The following UTP20 variants were observed in gnomAD, a reference collection of about 807,000 sequenced individuals.
UTP20 encodes the protein small subunit processome component 20 homolog.
A neutral mutation model predicts 329.5 loss-of-function variants in UTP20; 164 were observed. The ratio of observed to expected loss-of-function variants is 0.50; its 90% CI spans 0.44 to 0.57. UTP20 has a LOEUF of 0.57. UTP20 is among the 20% of genes least tolerant of loss of function. The pLI is 0.00. For missense variants in UTP20, 3,055 were observed against 3,284.2 expected (o/e 0.93, Z 1.71); for synonymous variants, 1,151 against 1,159.3 (o/e 0.99, Z 0.14).
chr12:101,369,681 C>A lies in UTP20; in HGVS notation c.6385-40C>A, dbSNP rs370192671. 5.8e-6 allele frequency: 6 copies of A among 1,039,514 alleles called. No individual in the cohort carries two copies. In the African/African-American group the frequency reaches 9.5e-5, roughly 16 times the overall value. 64.4% of individuals were successfully genotyped at this position (1,039,514 alleles called of 1,614,324 possible). The stretch of plus-strand genomic sequence containing the variant: ...CAGGTGCTGCATAGTTGGATTCGGT[C>A]ACATCACAAGTTGGTGGTGTTTTGT... On this transcript the variant is annotated intron_variant, in intron 48 of 61. Coordinates refer to ENST00000261637, the MANE Select transcript of UTP20 (RefSeq NM_014503.3).
In UTP20 at chr12:101,355,118, G is replaced by T; in HGVS notation, c.5394G>T (p.Thr1798=). The part of the protein sequence containing the change: ...LPRLHKCLAS[T]TKREEEHKLV... ...GGCTACATAAATGCCTTGCATCTACGGTAATAAATTTATTCGGGGTCCAGC... is the reference window on the plus strand; with the variant it reads ...GGCTACATAAATGCCTTGCATCTACTGTAATAAATTTATTCGGGGTCCAGC... The change falls in exon 41 of 62, where the codon ACG becomes ACT. Residue 1798 remains threonine, a splice_region_variant and synonymous_variant. Transcript: ENST00000261637. 6.2e-7 allele frequency: 1 copy of T among 1,610,952 alleles called. No individual in the cohort carries two copies. The highest frequency in any genetic ancestry group is 1.1e-5 in the South Asian group (1 of 90,722).
intron 36 of UTP20, 57 bp downstream of exon 36, chr12:101,344,807 C>A: frequency 6.6e-7 from 1 of 1,508,808 alleles, no homozygotes; most frequent in Non-Finnish European, 9.1e-7. Context: ...GTTTTGTTTT[C>A]CCACGTTTGC....
intron 12 of UTP20, among the ~76,000 whole-genome samples, chr12:101,296,453 C>G (rs2137239341): frequency 6.6e-6 from 1 of 152,176 alleles, no homozygotes; most frequent in African/African-American, 2.4e-5. Flanking sequence ...CGCCTGTAGT[C>G]CTAGTTACTC....
At chr12:101,338,365 C>A in intron 30 of UTP20, 88 bp downstream of exon 30, 1 of 1,364,214 alleles carries the variant, frequency 7.3e-7, no homozygotes, top group South Asian at 1.2e-5. Context: ...TATAATTTGA[C>A]TCACTCGAGA....
chr12:101,342,155 T>C (rs1263607370), intron 32 of UTP20, among the ~76,000 whole-genome samples: 1 of 152,102 alleles, frequency 6.6e-6, no homozygotes, highest in Admixed American at 6.5e-5. Context: ...CGACTGTACT[T>C]CAGCAAGCTC....
intron 17 of UTP20, among the ~76,000 whole-genome samples, 188 bp downstream of exon 17, chr12:101,306,949 G>A (rs562145239): frequency 8.7e-4 from 133 of 152,146 alleles, no homozygotes; most frequent in African/African-American, 2.8e-3. Flanking sequence ...CGAGGCGGGC[G>A]GATCACAAGG....
chr12:101,318,668 T>C (rs1464694975), intron 22 of UTP20, among the ~76,000 whole-genome samples: 1 of 151,836 alleles, frequency 6.6e-6, no homozygotes. Context: ...CTGTCTCTAC[T>C]GAAAATATAA....
chr12:101,285,335 C>T (rs1871924787), intron 2 of UTP20, among the ~76,000 whole-genome samples: 1 of 151,780 alleles, frequency 6.6e-6, no homozygotes, highest in African/African-American at 2.4e-5. Flanking sequence ...ATATATAGGC[C>T]CCAGAAAATT....
rs1869932654 is a variant in UTP20, at chr12:101,361,864, TA to T, written c.5692-95del. 7.7e-6 allele frequency: 7 copies of T among 911,292 alleles called. No homozygotes were observed. In the Admixed American group the frequency reaches 1.3e-4, roughly 18 times the overall value. The allele number at this position is 911,292 out of a possible 1,614,324, so 56.5% of individuals were successfully genotyped here. On this transcript the variant is annotated intron_variant, in intron 43 of 61. Coordinates refer to ENST00000261637, the MANE Select transcript of UTP20 (RefSeq NM_014503.3). ...GCTTCTCCTGGCAATAAAAGACATA[TA>T]AACTCTGAGTGTTCTCTTTGCAGTG...
chr12:101,281,630 T>G (rs1871799917), intron 2 of UTP20, among the ~76,000 whole-genome samples: 1 of 152,168 alleles, frequency 6.6e-6, no homozygotes, highest in African/African-American at 2.4e-5. Flanking sequence ...TTTATAAAAA[T>G]AAAGGGGCTA....
At position 101,373,680 on chromosome 12, in the gene UTP20, G is replaced by A. The variant is rs779515157; in HGVS notation, c.7044G>A (p.Met2348Ile). 12 of 1,613,234 alleles carry A rather than the reference G, an allele frequency of 7.4e-6. No individual in the cohort carries two copies. Among genetic ancestry groups the A allele is most frequent in the Non-Finnish European group, 1.0e-5 (12 of 1,179,876 alleles). The change falls in exon 54 of 62, where the codon ATG (methionine) becomes ATA (isoleucine). Residue 2348 changes from methionine to isoleucine, a missense_variant. By Grantham distance (10) the Met-to-Ile change is conservative (BLOSUM62 1). Transcript: ENST00000261637. ...CCACGTGCAAAAAGATGGCATCCAT[G>A]ACAATCAAGTCCCTACTTGGTAAAA... ...DSATCKKMASMTIKSLLGKIS... is the reference protein window; with the variant it reads ...DSATCKKMASITIKSLLGKIS...
intron 40 of UTP20, among the ~76,000 whole-genome samples, chr12:101,353,364 G>A (rs1483775393): frequency 1.3e-5 from 2 of 152,132 alleles, no homozygotes; most frequent in Non-Finnish European, 2.9e-5. Flanking sequence ...GTGAGCTGTA[G>A]ATTATTTATA....
At chr12:101,282,676 T>C (rs1190237659) in intron 2 of UTP20, among the ~76,000 whole-genome samples, 1 of 152,148 alleles carries the variant, frequency 6.6e-6, no homozygotes, top group Non-Finnish European at 1.5e-5. Context: ...GGCTTTAGTG[T>C]GGAGAAAAGA....
At position 101,286,317 on chromosome 12, in the gene UTP20, C is replaced by T. The variant is rs548039242; in HGVS notation, c.327-4C>T. 3.2e-6 allele frequency: 5 copies of T among 1,556,256 alleles called. No homozygotes were observed. The highest frequency in any genetic ancestry group is 3.5e-6 in the Non-Finnish European group (4 of 1,153,236). Reference sequence around the variant, plus strand: ...ATGATCAGTTGCTTCTTTTTTTAATCCAGTTTGGTTGTACAGTTGGCACGA... The same window carrying T: ...ATGATCAGTTGCTTCTTTTTTTAATTCAGTTTGGTTGTACAGTTGGCACGA... On this transcript the variant is annotated splice_polypyrimidine_tract_variant and splice_region_variant and intron_variant, in intron 4 of 61. Coordinates refer to ENST00000261637, the MANE Select transcript of UTP20 (RefSeq NM_014503.3).
intron 40 of UTP20, among the ~76,000 whole-genome samples, chr12:101,353,660 C>A (rs553466111): frequency 1.8e-4 from 28 of 152,204 alleles, no homozygotes; most frequent in African/African-American, 6.7e-4. Flanking sequence ...ATCACCATAG[C>A]ACCACTGCCT....
Position 101,319,574 on chromosome 12 carries a change from C to T in UTP20, c.2768C>T (p.Ser923Phe). 6.2e-7 allele frequency: 1 copy of T among 1,607,866 alleles called. No individual in the cohort carries two copies. The highest frequency in any genetic ancestry group is 8.5e-7 in the Non-Finnish European group (1 of 1,179,100). ...KQLIAHLQVF[S>F]KFSNPRALYL... is the part of the protein sequence containing the mutation. ...TTAATTGCTCATTTGCAAGTTTTCT[C>T]TAAATTTTCAAATCCACGGGCCTTA... is the stretch of plus-strand genomic sequence containing the variant. Residue 923 changes from serine to phenylalanine, a missense_variant, in exon 23 of 62, where the codon TCT (serine) becomes TTT (phenylalanine). Physicochemically the swap from Ser to Phe is radical, Grantham distance 155. Around this residue, in one of 3 missense-constraint regions of UTP20, gnomAD observed 2,445 missense variants for 2,575.5 expected, o/e 0.95. Transcript: ENST00000261637.
chr12:101,334,461 A>C lies in UTP20; in HGVS notation c.3598A>C (p.Thr1200Pro), dbSNP rs1485599938. ...TGGATCTGAGAGTCAATATTCTCCT[A>C]CTCCTCTGCTGAAACTGATCAGTAT... is the stretch of plus-strand genomic sequence containing the variant. ...RLGSESQYSP[T>P]PLLKLISIWS... is the part of the protein sequence containing the mutation. The change falls in exon 29 of 62, where the codon ACT becomes CCT. Residue 1200 changes from threonine (T) to proline (P), a missense_variant. Coordinates refer to ENST00000261637, the MANE Select transcript of UTP20 (RefSeq NM_014503.3). 2 of 1,611,610 alleles carry C rather than the reference A, an allele frequency of 1.2e-6. No individual in the cohort carries two copies.
chr12:101,331,355 T>C (rs1868751918), intron 27 of UTP20, among the ~76,000 whole-genome samples: 1 of 152,228 alleles, frequency 6.6e-6, no homozygotes, highest in Non-Finnish European at 1.5e-5. Context: ...CCATATAATA[T>C]GTTTTTTCAA....
intron 15 of UTP20, among the ~76,000 whole-genome samples, chr12:101,304,578 AC>A (rs1176716929): frequency 1.3e-5 from 2 of 152,040 alleles, no homozygotes; most frequent in Non-Finnish European, 2.9e-5. Flanking sequence ...TTTGCTCATC[AC>A]CCTCTAATAC....
Sources: gnomAD v4.1 joint callset for allele counts (sites outside exome capture counted in the v4.1 genomes callset) on GRCh38, gnomAD v4.1.1 for gene constraint, gnomAD v4.1.1 regional missense constraint, MANE v1.5 for transcripts, NCBI Gene and HGNC (gene_info 2026-07-23, HGNC 2026-07-21) for gene names.